The following CEL variants were observed in gnomAD, a reference collection of about 807,000 sequenced individuals.
CEL encodes the protein bile salt-activated lipase.
CEL carries 39 observed loss-of-function variants against 57.1 expected under a neutral mutation model. That is an observed-to-expected ratio of 0.68 (90% CI 0.53 to 0.89). The LOEUF is 0.89. Among genes scored for constraint, CEL ranks in the 40% least tolerant of loss-of-function variants. CEL has a pLI of 0.00. For synonymous variants in CEL, 314 were observed against 396.6 expected (o/e 0.79, Z 2.48); for missense variants, 698 against 915.0 (o/e 0.76, Z 3.06).
chr9:133,065,273 C>G (rs751214127), intron 4 of CEL, 36 bp downstream of exon 4: 27 of 1,603,896 alleles, frequency 1.7e-5, no homozygotes, highest in Middle Eastern at 1.6e-4. Context: ...GTGGGGCGAC[C>G]AGCATGCTGA....
chr9:133,065,541 C>G, intron 4 of CEL, among the ~76,000 whole-genome samples: 1 of 152,200 alleles, frequency 6.6e-6, no homozygotes, highest in East Asian at 1.9e-4. Context: ...CCCATCTCTA[C>G]ACAAAAATTA....
intron 4 of CEL, 80 bp downstream of exon 4, chr9:133,065,317 C>T (rs1830161304): frequency 6.7e-7 from 1 of 1,493,624 alleles, no homozygotes; most frequent in Non-Finnish European, 9.2e-7. Context: ...GCACCCCTCA[C>T]CCCAAACAAC....
chr9:133,066,411 C>T lies in CEL; in HGVS notation c.539-119C>T. The T allele has an allele frequency of 7.5e-7, 1 of 1,327,856 alleles. No homozygotes were observed. The highest frequency in any genetic ancestry group is 1.1e-6 in the Non-Finnish European group (1 of 943,364). The allele number at this position is 1,327,856 out of a possible 1,614,324, so 82.3% of individuals were successfully genotyped here. A position where few individuals can be genotyped will look rare whatever the true frequency, so the allele number is the denominator to read the frequency against. On this transcript the variant is annotated intron_variant, in intron 4 of 10. Transcript: ENST00000372080. This position sits in a 1 kb window ranked among gnomAD's most constrained non-coding sequence, Gnocchi z 4.3. ...GGGACCCACCATTTGCCAACTGGGG[C>T]TCTGCCATGGCCCCAACTCTGTTGA...
intron 1 of CEL, 128 bp downstream of exon 1, chr9:133,062,196 A>G (rs1830102473): frequency 4.0e-6 from 5 of 1,255,872 alleles, no homozygotes; most frequent in African/African-American, 3.1e-5. Flanking sequence ...GCTCATTTCT[A>G]TGGGGACAGG....
chr9:133,067,595 G>C (rs752423798), intron 7 of CEL, among the ~76,000 whole-genome samples: 3 of 152,064 alleles, frequency 2.0e-5, no homozygotes, highest in South Asian at 4.1e-4. Flanking sequence ...GGATGATCTC[G>C]GTCTTGGGAC....
rs763272949 is a variant in CEL, at chr9:133,066,980, G to A, written c.777+35G>A. The A allele has an allele frequency of 6.9e-6, 11 of 1,595,062 alleles. No individual in the cohort carries two copies. The highest frequency in any genetic ancestry group is 8.6e-6 in the Non-Finnish European group (10 of 1,163,028). ...GGAGGGCAGGGCTGGGCGGGGTGGG[G>A]GCTGTCCACATTTCCGTTCTTTATC... On this transcript the variant is annotated intron_variant, in intron 6 of 10. Transcript: ENST00000372080. The surrounding 1 kb of genome is among the most constrained non-coding windows in gnomAD (Gnocchi z 4.3).
intron 9 of CEL, among the ~76,000 whole-genome samples, chr9:133,070,025 A>C (rs1285192730): frequency 6.6e-6 from 1 of 152,016 alleles, no homozygotes; most frequent in African/African-American, 2.4e-5. Context: ...AATACGAAAA[A>C]GATAGGAAGA....
At position 133,071,137 on chromosome 9, in the gene CEL, C is replaced by T. The variant is rs1396864981; in HGVS notation, c.1635C>T (p.Thr545=). 3 of 1,608,960 alleles carry T rather than the reference C, an allele frequency of 1.9e-6. No individual in the cohort carries two copies. The highest frequency in any genetic ancestry group is 1.3e-5 in the African/African-American group (1 of 74,940). Residue 545 remains threonine, a synonymous_variant, in exon 11 of 11, where the codon ACC becomes ACT. Transcript: ENST00000372080. ...ACTTCCTGCGCTACTGGACCCTCAC[C>T]TATCTGGCGCTGCCCACAGTGACCG... ...RTNFLRYWTL[T]YLALPTVTDQ...
chr9:133,064,889 C>T (rs920353925), intron 3 of CEL, 127 bp downstream of exon 3: 44 of 1,540,082 alleles, frequency 2.9e-5, no homozygotes, highest in African/African-American at 1.1e-4. Flanking sequence ...GGGAGGGGAG[C>T]GCCCACTGCC....
intron 6 of CEL, 65 bp from the exon 7 acceptor site, chr9:133,067,023 C>G: frequency 6.2e-7 from 1 of 1,607,676 alleles, no homozygotes; most frequent in African/African-American, 1.3e-5. Flanking sequence ...CCATCCTTGC[C>G]TTCAAATGGT....
intron 9 of CEL, among the ~76,000 whole-genome samples, chr9:133,069,802 C>A (rs1278182441): frequency 6.6e-6 from 1 of 151,980 alleles, no homozygotes; most frequent in African/African-American, 2.4e-5. Context: ...AAAACCCCAT[C>A]TCTACTAAAA....
rs747789184 is a variant in CEL, at chr9:133,065,094, G to A, written c.395G>A (p.Gly132Glu). 6 of 1,613,826 alleles carry A rather than the reference G, an allele frequency of 3.7e-6. No individual in the cohort carries two copies. The African/African-American group carries it at 6.7e-5, about 18-fold the overall frequency. Residue 132 changes from glycine (G) to glutamate (E), a missense_variant, in exon 4 of 11, where the codon GGG (glycine) becomes GAG (glutamate). Transcript: ENST00000372080. ...ATCTATGGAGGCGCCTTCCTCATGG[G>A]GTCCGGCCATGGGGCCAACTTCCTC... Reference protein sequence around the residue: ...IWIYGGAFLMGSGHGANFLNN... With the variant: ...IWIYGGAFLMESGHGANFLNN...
chr9:133,066,722 G>T lies in CEL; in HGVS notation c.669+62G>T, dbSNP rs150672381. On this transcript the variant is annotated intron_variant, in intron 5 of 10. Coordinates refer to ENST00000372080, the MANE Select transcript of CEL (RefSeq NM_001807.6). The surrounding 1 kb of genome is among the most constrained non-coding windows in gnomAD (Gnocchi z 4.3). ...GTTGAGAGGAAGCTCAAACGGGAAG[G>T]GGAGGGTGGGAGGAGGAGCGTGGAG... 333 of 1,606,570 alleles carry T rather than the reference G, an allele frequency of 2.1e-4. 3 individuals are homozygous for T. The African/African-American group carries it at 3.7e-3, about 18-fold the overall frequency.
rs1239068158 is a variant in CEL, at chr9:133,066,035, GGACA to G, written c.539-485_539-482del. ...CCCATCTCAAAAATAAGAGGCTGTGGGACAGACAGACAGGCAGACAGGCTGAGGC... is the reference window on the plus strand; with the variant it reads ...CCCATCTCAAAAATAAGAGGCTGTGGGACAGACAGGCAGACAGGCTGAGGC... On this transcript the variant is annotated intron_variant, in intron 4 of 10. Coordinates refer to ENST00000372080, the MANE Select transcript of CEL (RefSeq NM_001807.6). This position sits in a 1 kb window ranked among gnomAD's most constrained non-coding sequence, Gnocchi z 4.3. Among the ~76,000 whole-genome samples the G allele has an allele frequency of 6.6e-6, 1 of 152,060 alleles. No homozygotes were observed. Among genetic ancestry groups the G allele is most frequent in the African/African-American group, 2.4e-5 (1 of 41,384 alleles).
At chr9:133,070,930 A>C (rs568431463) in intron 10 of CEL, 57 bp from the exon 11 acceptor site, 185 of 1,588,702 alleles carry the variant, frequency 1.2e-4, no homozygotes, top group African/African-American at 1.1e-3. Flanking sequence ...GGTGGAGAGC[A>C]GGGCTTCAGC....
chr9:133,067,907 C>A (rs1409220181), intron 7 of CEL, among the ~76,000 whole-genome samples: 12 of 152,218 alleles, frequency 7.9e-5, no homozygotes, highest in African/African-American at 2.9e-4. Flanking sequence ...TCCAGCTCCA[C>A]TATTCTGTAC....
In CEL at chr9:133,064,556, T is replaced by G. The variant is rs1588488541; in HGVS notation, c.217+2T>G. ...CTCAGCCACATCCTGGCTGGCAAGG[T>G]GGGAGTGGGTGGTGCCGGACTGGCC... On this transcript the variant is annotated splice_donor_variant, in intron 2 of 10. Coordinates refer to ENST00000372080, the MANE Select transcript of CEL (RefSeq NM_001807.6). LOFTEE classifies it high-confidence loss of function. 6.2e-7 allele frequency: 1 copy of G among 1,613,894 alleles called. No individual in the cohort carries two copies. Among genetic ancestry groups the G allele is most frequent in the Non-Finnish European group, 8.5e-7 (1 of 1,179,938 alleles).
chr9:133,066,509 C>A lies in CEL; in HGVS notation c.539-21C>A, dbSNP rs1414543017. The A allele has an allele frequency of 6.2e-7, 1 of 1,613,702 alleles. No individual in the cohort carries two copies. Among genetic ancestry groups the A allele is most frequent in the African/African-American group, 1.3e-5 (1 of 74,934 alleles). On this transcript the variant is annotated intron_variant, in intron 4 of 10. Transcript: ENST00000372080. This position sits in a 1 kb window ranked among gnomAD's most constrained non-coding sequence, Gnocchi z 4.3. Reference sequence around the variant, plus strand: ...CCTGGGCCACTGGTCTCTAGCACCCCCTCCCCTGCCCTGCCCCCAGGTAAC... The same window carrying A: ...CCTGGGCCACTGGTCTCTAGCACCCACTCCCCTGCCCTGCCCCCAGGTAAC...
At chr9:133,065,846 CAAAA>C (rs34365056) in intron 4 of CEL, among the ~76,000 whole-genome samples, 2 of 75,816 alleles carry the variant, frequency 2.6e-5, no homozygotes, top group Non-Finnish European at 5.1e-5. Flanking sequence ...AACTCTGTCT[CAAAA>C]AAAAAAAAAA....
Sources: gnomAD v4.1 joint callset for allele counts (sites outside exome capture counted in the v4.1 genomes callset) on GRCh38, gnomAD v4.1.1 for gene constraint, Gnocchi (gnomAD v3.1) non-coding constraint, MANE v1.5 for transcripts, NCBI Gene and HGNC (gene_info 2026-07-23, HGNC 2026-07-21) for gene names.